The following HDHD5 variants were observed in gnomAD, a reference collection of about 807,000 sequenced individuals.
HDHD5 encodes haloacid dehalogenase-like hydrolase domain-containing 5.
Under a neutral mutation model 35.5 loss-of-function variants are expected in HDHD5, and 34 were observed. The ratio of observed to expected loss-of-function variants is 0.96; its 90% CI spans 0.73 to 1.28. HDHD5 has a LOEUF of 1.28. HDHD5 is among the 50% of genes most tolerant of loss of function. The pLI, the probability that HDHD5 is intolerant of heterozygous loss-of-function variation, is 0.00. For missense variants in HDHD5, 589 were observed against 560.2 expected (o/e 1.05, Z -0.52); for synonymous variants, 248 against 240.6 (o/e 1.03, Z -0.29).
chr22:17,144,841 G>A (rs555756652), intron 4 of HDHD5, among the ~76,000 whole-genome samples, 183 bp downstream of exon 4: 58 of 152,090 alleles, frequency 3.8e-4, no homozygotes, highest in Admixed American at 6.6e-4. Flanking sequence ...GTAAGCCACC[G>A]CAGCCAGCCT....
intron 6 of HDHD5, among the ~76,000 whole-genome samples, chr22:17,139,793 G>A (rs1219014156): frequency 6.6e-6 from 1 of 152,186 alleles, no homozygotes; most frequent in Admixed American, 6.5e-5. Flanking sequence ...GGCTGATCTT[G>A]AACTGACCTC....
intron 1 of HDHD5, among the ~76,000 whole-genome samples, chr22:17,157,034 C>T (rs1423153368): frequency 2.0e-5 from 3 of 150,410 alleles, no homozygotes; most frequent in African/African-American, 7.3e-5. Context: ...ACCGAGATGG[C>T]GCCACTGCAC....
At chr22:17,146,518 C>A in intron 3 of HDHD5, among the ~76,000 whole-genome samples, 1 of 139,176 alleles carries the variant, frequency 7.2e-6, no homozygotes, top group Non-Finnish European at 1.6e-5. Flanking sequence ...GGCCTTCAAT[C>A]ACACGTCATC....
At chr22:17,144,167 C>T (rs775065751) in intron 4 of HDHD5, among the ~76,000 whole-genome samples, 7 of 152,166 alleles carry the variant, frequency 4.6e-5, no homozygotes, top group East Asian at 1.9e-4. Context: ...CCTTGTTGGA[C>T]GGGATGCTGT....
intron 7 of HDHD5, 65 bp from the exon 8 acceptor site, chr22:17,138,422 C>G (rs2061559890): frequency 6.4e-6 from 10 of 1,567,912 alleles, no homozygotes; most frequent in Non-Finnish European, 7.8e-6. Flanking sequence ...TGTTGCAAAG[C>G]AAAGGGAGCA....
chr22:17,141,504 G>C, intron 5 of HDHD5: 1 of 1,285,862 alleles, frequency 7.8e-7, no homozygotes, highest in Non-Finnish European at 9.8e-7. Context: ...AACAAAAGCA[G>C]CATGTCTCAG....
intron 1 of HDHD5, 120 bp from the exon 2 acceptor site, chr22:17,149,865 C>CA: frequency 1.3e-6 from 1 of 761,840 alleles, no homozygotes. Flanking sequence ...TCAGAAAGAA[C>CA]AAAAAAATGA....
intron 1 of HDHD5, among the ~76,000 whole-genome samples, chr22:17,156,463 T>G (rs2061792676): frequency 6.6e-6 from 1 of 151,510 alleles, no homozygotes; most frequent in South Asian, 2.1e-4. Context: ...ATACAAAAAA[T>G]TAGCCGGGCG....
intron 3 of HDHD5, 50 bp downstream of exon 3, chr22:17,148,398 A>C: frequency 2.1e-6 from 3 of 1,456,718 alleles, no homozygotes; most frequent in Non-Finnish European, 2.9e-6. Context: ...GGGAGGAAAC[A>C]CCTCAGCCCT....
At chr22:17,148,200 G>C (rs1299382391) in intron 3 of HDHD5, among the ~76,000 whole-genome samples, 1 of 152,184 alleles carries the variant, frequency 6.6e-6, no homozygotes, top group Non-Finnish European at 1.5e-5. Flanking sequence ...CTCCAGCGCA[G>C]ATACCCTGGG....
rs143527452 is a variant in HDHD5, at chr22:17,141,130, G to A, written c.675C>T (p.Pro225=). ...NGSPGAGLAT[P]PYPHLPVLAS... ...CTAGGACGGGGAGGTGGGGGTAGGG[G>A]GGTGTTGCCAGGCCAGCCCCAGGGC... Residue 225 remains proline, a synonymous_variant, in exon 6 of 8, where the codon CCC becomes CCT. Transcript: ENST00000336737. The A allele has an allele frequency of 7.9e-4, 1,265 of 1,595,974 alleles. 12 individuals carry two copies. The East Asian group carries it at 0.02, about 25-fold the overall frequency.
At chr22:17,152,432 AG>A (rs2061737517) in intron 1 of HDHD5, among the ~76,000 whole-genome samples, 3 of 152,100 alleles carry the variant, frequency 2.0e-5, no homozygotes, top group Non-Finnish European at 4.4e-5. Context: ...ACAGGGGTGG[AG>A]GGAAGAGGGA....
chr22:17,155,211 C>G (rs537403258), intron 1 of HDHD5, among the ~76,000 whole-genome samples: 1 of 151,262 alleles, frequency 6.6e-6, no homozygotes, highest in Middle Eastern at 3.5e-3. Context: ...ATTGCCTAAA[C>G]AGTCACAAGA....
Position 17,138,211 on chromosome 22 carries a change from A to T in HDHD5, c.1082T>A (p.Val361Glu). Residue 361 changes from valine (V) to glutamate (E), a missense_variant, in exon 8 of 8, where the codon GTG (valine) becomes GAG (glutamate). Coordinates refer to ENST00000336737, the MANE Select transcript of HDHD5 (RefSeq NM_033070.3). ...CCTGGGATTGTAGACGCCTGTACAC[A>T]CCAGGATGGAGATGCAGCTCTGGCT... ...SASQSCISIL[V>E]CTGVYNPRNP... 6.2e-7 allele frequency: 1 copy of T among 1,614,016 alleles called. No homozygotes were observed. The highest frequency in any genetic ancestry group is 8.5e-7 in the Non-Finnish European group (1 of 1,180,010).
At chr22:17,143,887 G>C (rs2123855228) in intron 4 of HDHD5, among the ~76,000 whole-genome samples, 1 of 152,368 alleles carries the variant, frequency 6.6e-6, no homozygotes, top group Non-Finnish European at 1.5e-5. Flanking sequence ...GTGCGATGAG[G>C]AGAAAGTGAG....
At chr22:17,144,412 G>A (rs2061634429) in intron 4 of HDHD5, among the ~76,000 whole-genome samples, 1 of 146,596 alleles carries the variant, frequency 6.8e-6, no homozygotes, top group African/African-American at 2.6e-5. Flanking sequence ...ACCATATGTG[G>A]CTTTTTTTTT....
chr22:17,139,524 T>A (rs1025714501), intron 6 of HDHD5, among the ~76,000 whole-genome samples: 27 of 139,392 alleles, frequency 1.9e-4, no homozygotes, highest in Non-Finnish European at 3.2e-4. Flanking sequence ...CAAGACTCCA[T>A]CTAAAAAAAA....
intron 6 of HDHD5, 96 bp downstream of exon 6, chr22:17,140,963 T>C: frequency 1.7e-6 from 2 of 1,177,418 alleles, no homozygotes; most frequent in Non-Finnish European, 1.2e-6. Flanking sequence ...TCCCGGCACC[T>C]GGGGTGTCAG....
intron 1 of HDHD5, among the ~76,000 whole-genome samples, chr22:17,164,852 C>T (rs1382374414): frequency 6.6e-6 from 1 of 152,096 alleles, no homozygotes; most frequent in Non-Finnish European, 1.5e-5. Flanking sequence ...AGGAGGCAGA[C>T]GAAAGAAAAG....
Sources: gnomAD v4.1 joint callset for allele counts (sites outside exome capture counted in the v4.1 genomes callset) on GRCh38, gnomAD v4.1.1 for gene constraint, MANE v1.5 for transcripts, NCBI Gene and HGNC (gene_info 2026-07-23, HGNC 2026-07-21) for gene names.